Variants in TTLL3 observed in about 807,000 individuals in gnomAD.
The protein encoded by TTLL3 is tubulin monoglycylase TTLL3.
In TTLL3, 63 loss-of-function variants were observed where a neutral mutation model predicts 75.2. That is an observed-to-expected ratio of 0.84 (90% CI 0.68 to 1.03). The LOEUF is 1.03. Among genes scored for constraint, TTLL3 ranks in the 50% least tolerant of loss-of-function variants. The probability of loss-of-function intolerance (pLI) is 0.00; values close to 1 mark genes in which losing one functional copy is unlikely to be tolerated. For missense variants in TTLL3, 997 were observed against 1,069.9 expected (o/e 0.93, Z 0.95); for synonymous variants, 393 against 418.5 (o/e 0.94, Z 0.74).
chr3:9,835,266 C>T lies in TTLL3; in HGVS notation c.2225C>T (p.Pro742Leu). ...AEACPMKRLS[P>L]LKPLPLVGTF... ...GCCTGCCCCATGAAGAGGCTGAGCC[C>T]CCTGAAACCCCTGCCCCTTGTTGGT... is the stretch of plus-strand genomic sequence containing the variant. Residue 742 changes from proline to leucine, a missense_variant, in exon 14 of 14, where the codon CCC becomes CTC. By Grantham distance (98) the Pro-to-Leu change is moderately conservative. Transcript: ENST00000685419. 6.2e-7 allele frequency: 1 copy of T among 1,614,182 alleles called. No homozygotes were observed. Among genetic ancestry groups the T allele is most frequent in the Non-Finnish European group, 8.5e-7 (1 of 1,180,016 alleles).
chr3:9,820,347 A>G, intron 7 of TTLL3, 199 bp from the exon 8 acceptor site: 1 of 1,433,396 alleles, frequency 7.0e-7, no homozygotes, highest in Non-Finnish European at 9.1e-7. Context: ...GGACAGTGGG[A>G]GCCAAGGGCA....
rs745902987 is a variant in TTLL3 at position 9,835,309 on chromosome 3, G to A, written c.2268G>A (p.Arg756=). Residue 756 remains arginine, a synonymous_variant, in exon 14 of 14, where the codon AGG becomes AGA. Transcript: ENST00000685419. ...LPLVGTFQRR[R]GLGDMKLGKP... ...TTGTTGGTACATTCCAGAGGCGCAG[G>A]GGCCTGGGGGATATGAAGCTAGGGA... 3 of 1,614,186 alleles carry A rather than the reference G, an allele frequency of 1.9e-6. No individual in the cohort carries two copies.
At chr3:9,822,002 CAAAAAAAAAAAAAA>C (rs1197157115) in intron 8 of TTLL3, among the ~76,000 whole-genome samples, 3 of 50,074 alleles carry the variant, frequency 6.0e-5, no homozygotes, top group Non-Finnish European at 7.8e-5. Flanking sequence ...GACTCCGTCT[CAAAAAAAAAAAAAA>C]AAAGAATTTT....
At chr3:9,822,842 C>T (rs1482537149) in intron 8 of TTLL3, among the ~76,000 whole-genome samples, 1 of 145,502 alleles carries the variant, frequency 6.9e-6, no homozygotes, top group Non-Finnish European at 1.5e-5. Context: ...CTCCTGAGCT[C>T]AAACAATCCG....
chr3:9,835,294 A>G lies in TTLL3; in HGVS notation c.2253A>G (p.Thr751=). 1 of 1,614,188 alleles carries G rather than the reference A, an allele frequency of 6.2e-7. No homozygotes were observed. Among genetic ancestry groups the G allele is most frequent in the Middle Eastern group, 1.6e-4 (1 of 6,062 alleles). ...TGAAACCCCTGCCCCTTGTTGGTAC[A>G]TTCCAGAGGCGCAGGGGCCTGGGGG... is the stretch of plus-strand genomic sequence containing the variant. ...SPLKPLPLVG[T]FQRRRGLGDM... Residue 751 remains threonine (T), a synonymous_variant, in exon 14 of 14, where the codon ACA becomes ACG. Transcript: ENST00000685419.
chr3:9,830,497 C>T (rs1220894378), intron 11 of TTLL3, among the ~76,000 whole-genome samples: 1 of 152,126 alleles, frequency 6.6e-6, no homozygotes, highest in Non-Finnish European at 1.5e-5. Context: ...AGGAAGAGAA[C>T]GTACTGATCA....
intron 11 of TTLL3, among the ~76,000 whole-genome samples, chr3:9,829,908 T>A (rs2081363595): frequency 6.6e-6 from 1 of 152,214 alleles, no homozygotes; most frequent in Non-Finnish European, 1.5e-5. Context: ...AGTGGCATGA[T>A]CTTGGCTCAC....
intron 12 of TTLL3, among the ~76,000 whole-genome samples, chr3:9,833,871 G>T (rs2081823732): frequency 6.6e-6 from 1 of 151,794 alleles, no homozygotes; most frequent in Admixed American, 6.6e-5. Flanking sequence ...AGCACTTTGG[G>T]AGGCCGAGGC....
chr3:9,817,500 A>G (rs1410228221), intron 5 of TTLL3, 145 bp from the exon 6 acceptor site: 1 of 1,509,294 alleles, frequency 6.6e-7, no homozygotes, highest in Non-Finnish European at 8.9e-7. Flanking sequence ...CCAGGCAAAT[A>G]TATGGTGATA....
chr3:9,829,882 G>T (rs1472686550), intron 11 of TTLL3, among the ~76,000 whole-genome samples: 1 of 152,126 alleles, frequency 6.6e-6, no homozygotes, highest in Non-Finnish European at 1.5e-5. Flanking sequence ...TCGCTCTGTT[G>T]CCCAGGCTGG....
Position 9,817,670 on chromosome 3 carries a change from A to G in TTLL3, c.470A>G (p.Asn157Ser). 1.9e-6 allele frequency: 3 copies of G among 1,614,084 alleles called. No individual in the cohort carries two copies. The highest frequency in any genetic ancestry group is 2.5e-6 in the Non-Finnish European group (3 of 1,180,014). The change falls in exon 6 of 14, where the codon AAT (asparagine) becomes AGT (serine). Residue 157 changes from asparagine to serine, a missense_variant. Asn to Ser is a conservative substitution (Grantham distance 46). Transcript: ENST00000685419. Reference sequence around the variant, plus strand: ...GTGGGTCTATGTCTCAATCTCCGGAATTTGCCGTGGTTTGATGAGGTTGAT... The same window carrying G: ...GTGGGTCTATGTCTCAATCTCCGGAGTTTGCCGTGGTTTGATGAGGTTGAT... ...TKVGLCLNLR[N>S]LPWFDEVDAN...
chr3:9,828,207 A>C (rs1465269638), intron 10 of TTLL3: 3 of 151,774 alleles, frequency 2.0e-5, no homozygotes, highest in Non-Finnish European at 2.9e-5. Flanking sequence ...AATGTAGAGC[A>C]GGGGAAAGGA....
Position 9,825,851 on chromosome 3 carries a change from C to T in TTLL3, c.906C>T (p.Asp302=), listed in dbSNP as rs760066758. The change falls in exon 9 of 14, where the codon GAC becomes GAT. Residue 302 remains aspartate (D), a synonymous_variant. Transcript: ENST00000685419. ...ACACTCAGGTCCAGCGCTGTGAGGA[C>T]ATCCTGCAGCAGCTGCAGGCCGTGG... ...HLDTQVQRCE[D]ILQQLQAVVP... The T allele has an allele frequency of 1.2e-6, 2 of 1,614,062 alleles. No individual in the cohort carries two copies. The highest frequency in any genetic ancestry group is 2.7e-5 in the African/African-American group (2 of 74,894).
intron 2 of TTLL3, among the ~76,000 whole-genome samples, chr3:9,811,331 C>G (rs2079333362): frequency 6.6e-6 from 1 of 152,170 alleles, no homozygotes; most frequent in African/African-American, 2.4e-5. Flanking sequence ...TTTGATCTTC[C>G]TGCCCAAACC....
rs1477636410 is a variant in TTLL3, at chr3:9,813,306, A to G, written c.276A>G (p.Leu92=). 2 of 1,614,202 alleles carry G rather than the reference A, an allele frequency of 1.2e-6. No homozygotes were observed. Among genetic ancestry groups the G allele is most frequent in the Non-Finnish European group, 1.7e-6 (2 of 1,180,022 alleles). The change falls in exon 4 of 14, where the codon TTA becomes TTG. Residue 92 remains leucine, a synonymous_variant. Transcript: ENST00000685419. ...CACAGCTGTTCGACTTCGATGATTT[A>G]CTGAAATTTGATGACCTAGATGGAA... The part of the protein sequence containing the change: ...QPSQLFDFDD[L]LKFDDLDGTH...
At chr3:9,830,600 G>A (rs2081428336) in intron 11 of TTLL3, among the ~76,000 whole-genome samples, 1 of 152,064 alleles carries the variant, frequency 6.6e-6, no homozygotes, top group South Asian at 2.1e-4. Context: ...ATGTAAACGG[G>A]GAAATACATG....
At chr3:9,820,306 T>C in intron 7 of TTLL3, 1 of 1,360,212 alleles carries the variant, frequency 7.4e-7, no homozygotes. Context: ...CTTGGGGACA[T>C]TTAGGGCAGA....
At chr3:9,816,400 T>G (rs1325142197) in intron 5 of TTLL3, among the ~76,000 whole-genome samples, 198 bp downstream of exon 5, 1 of 152,194 alleles carries the variant, frequency 6.6e-6, no homozygotes, top group Non-Finnish European at 1.5e-5. Flanking sequence ...TTTGTAGATA[T>G]GATGTCTAAA....
intron 4 of TTLL3, among the ~76,000 whole-genome samples, chr3:9,814,648 AAAAAT>A (rs2079658743): frequency 1.3e-5 from 2 of 151,350 alleles, no homozygotes; most frequent in South Asian, 2.1e-4. Flanking sequence ...ACTCTGTCTC[AAAAAT>A]AAAATAAAAA....
Sources: allele counts gnomAD v4.1 joint callset (sites outside exome capture counted in the v4.1 genomes callset), GRCh38; gene constraint gnomAD v4.1.1; transcripts MANE v1.5; gene names NCBI Gene and HGNC (gene_info 2026-07-23, HGNC 2026-07-21).